Variants in AFF4 observed in about 807,000 individuals in gnomAD.
AFF4 encodes ALF transcription elongation factor 4, also known as AF4/FMR2 family member 4.
A neutral mutation model predicts 124.8 loss-of-function variants in AFF4; 13 were observed. That is an observed-to-expected ratio of 0.10 (90% CI 0.07 to 0.17). AFF4 has a LOEUF of 0.17. Ranked by LOEUF, AFF4 falls within the 10% of genes least tolerant of loss-of-function variation. AFF4 has a pLI of 1.00. For missense variants in AFF4, 1,092 were observed against 1,403.8 expected (o/e 0.78, Z 3.55); for synonymous variants, 477 against 496.1 (o/e 0.96, Z 0.51).
At chr5:132,909,929 T>C (rs1760755398) in intron 5 of AFF4, among the ~76,000 whole-genome samples, 1 of 152,194 alleles carries the variant, frequency 6.6e-6, no homozygotes, top group South Asian at 2.1e-4. Flanking sequence ...GTGAAGCACC[T>C]AGGTAAAGAG....
In AFF4 at chr5:132,877,917, C is replaced by T; in HGVS notation, c.*3142G>A. 1 of 224,854 alleles carries T rather than the reference C, an allele frequency of 4.4e-6. No individual in the cohort carries two copies. The highest frequency in any genetic ancestry group is 8.9e-6 in the Non-Finnish European group (1 of 112,542). The allele number at this position is 224,854 out of a possible 1,614,324, so 13.9% of individuals were successfully genotyped here. A position where few individuals can be genotyped will look rare whatever the true frequency, so the allele number is the denominator to read the frequency against. The stretch of plus-strand genomic sequence containing the variant: ...AAGTGCAGCCCAAGTGCCTATGAAT[C>T]CGCCACTGCCAGAGCTCCCAGAAAC... On this transcript the variant is annotated 3_prime_UTR_variant, in exon 21 of 21. Coordinates refer to ENST00000265343, the MANE Select transcript of AFF4 (RefSeq NM_014423.4).
intron 16 of AFF4, 67 bp downstream of exon 16, chr5:132,887,779 A>G (rs184047040): frequency 3.8e-6 from 6 of 1,583,632 alleles, no homozygotes; most frequent in Non-Finnish European, 5.2e-6. Flanking sequence ...ACTATATATC[A>G]GCCTCTTCCT....
At position 132,897,172 on chromosome 5, in the gene AFF4, C is replaced by T; in HGVS notation, c.1458G>A (p.Val486=). 1 of 1,614,152 alleles carries T rather than the reference C, an allele frequency of 6.2e-7. No individual in the cohort carries two copies. The highest frequency in any genetic ancestry group is 8.5e-7 in the Non-Finnish European group (1 of 1,180,032). Residue 486 remains valine (V), a synonymous_variant, in exon 11 of 21, where the codon GTG becomes GTA. Coordinates refer to ENST00000265343, the MANE Select transcript of AFF4 (RefSeq NM_014423.4). ...TACTGTCCACTGAAGAGGCGGGTGA[C>T]ACTTTATGTGGGTTCACTTTATTCA... is the stretch of plus-strand genomic sequence containing the variant. ...NWLNKVNPHK[V]SPASSVDSNI... is the part of the protein sequence containing the mutation.
At chr5:132,909,874 G>A (rs1760753907) in intron 5 of AFF4, among the ~76,000 whole-genome samples, 2 of 152,282 alleles carry the variant, frequency 1.3e-5, no homozygotes, top group South Asian at 4.2e-4. Context: ...CAGGTGGAAG[G>A]GGAAGGTAAA....
chr5:132,946,327 C>T (rs901020867), intron 1 of AFF4, among the ~76,000 whole-genome samples: 21 of 152,210 alleles, frequency 1.4e-4, no homozygotes, highest in African/African-American at 4.8e-4. Context: ...TCCAAAAGAA[C>T]CGAAAGCAGA....
chr5:132,909,300 A>G (rs1038833300), intron 5 of AFF4, among the ~76,000 whole-genome samples: 1 of 151,648 alleles, frequency 6.6e-6, no homozygotes, highest in Non-Finnish European at 1.5e-5. Context: ...GCATGCCACC[A>G]CGCCCAGCTA....
At chr5:132,887,739 C>T in intron 16 of AFF4, 107 bp downstream of exon 16, 3 of 1,507,694 alleles carry the variant, frequency 2.0e-6, no homozygotes, top group Non-Finnish European at 2.7e-6. Context: ...TATCCAAGGA[C>T]ATTAAAGGAT....
chr5:132,899,548 CTA>C (rs1760495935), intron 8 of AFF4, 37 bp downstream of exon 8: 1 of 1,519,640 alleles, frequency 6.6e-7, no homozygotes, highest in Non-Finnish European at 9.0e-7. Context: ...AATGAAAATA[CTA>C]TATGAGACTG....
chr5:132,883,664 T>G (rs1760043643), intron 19 of AFF4, 104 bp from the exon 20 acceptor site: 9 of 1,002,944 alleles, frequency 9.0e-6, no homozygotes, highest in Non-Finnish European at 1.3e-5. Context: ...ATGTAAAGAT[T>G]CTCTTAAACT....
chr5:132,932,444 A>C (rs1761322902), intron 3 of AFF4, among the ~76,000 whole-genome samples: 1 of 152,218 alleles, frequency 6.6e-6, no homozygotes. Flanking sequence ...TAGTTTTCAA[A>C]GGTTTTAAGT....
rs1259780553 is a variant in AFF4 at position 132,892,144 on chromosome 5, C to G, written c.2637+20G>C. On this transcript the variant is annotated intron_variant, in intron 13 of 20. Coordinates refer to ENST00000265343, the MANE Select transcript of AFF4 (RefSeq NM_014423.4). ...GCAAGTTGAATGATTTTCAAAAGCCCCAGGCCCCCAACACTTTACCTTAAC... is the reference window on the plus strand; with the variant it reads ...GCAAGTTGAATGATTTTCAAAAGCCGCAGGCCCCCAACACTTTACCTTAAC... 6.2e-7 allele frequency: 1 copy of G among 1,614,028 alleles called. No homozygotes were observed. The highest frequency in any genetic ancestry group is 8.5e-7 in the Non-Finnish European group (1 of 1,180,032).
chr5:132,886,688 G>A (rs747338472), intron 17 of AFF4, among the ~76,000 whole-genome samples: 15 of 152,288 alleles, frequency 9.8e-5, no homozygotes, highest in Middle Eastern at 3.4e-3. Flanking sequence ...TAAAAATTAC[G>A]AAGGGGTAGA....
intron 2 of AFF4, among the ~76,000 whole-genome samples, chr5:132,936,198 C>T (rs1429056987): frequency 2.4e-5 from 3 of 125,772 alleles, no homozygotes; most frequent in Middle Eastern, 5.4e-3. Context: ...ACCCGGGAGG[C>T]GGAGCTTGCA....
intron 19 of AFF4, 113 bp downstream of exon 19, chr5:132,884,963 G>A (rs1001039096): frequency 1.6e-6 from 1 of 635,900 alleles, no homozygotes; most frequent in East Asian, 3.1e-5. Context: ...TATTTTATCA[G>A]AGATGGTTTT....
intron 5 of AFF4, among the ~76,000 whole-genome samples, chr5:132,924,751 A>G (rs1761129578): frequency 6.6e-6 from 1 of 152,094 alleles, no homozygotes; most frequent in South Asian, 2.1e-4. Context: ...GCTACTCAAG[A>G]AGATGAGGCA....
Position 132,927,193 on chromosome 5 carries a change from T to G in AFF4, c.978A>C (p.Ser326=). ...GAATAGCCGTTAGAGGGGGAGGCCATGAATGCGTCATCTCCTGAAATGTAA... is the reference window on the plus strand; with the variant it reads ...GAATAGCCGTTAGAGGGGGAGGCCAGGAATGCGTCATCTCCTGAAATGTAA... ...VDEILKEMTH[S]WPPPLTAIHT... Residue 326 remains serine, a synonymous_variant, in exon 5 of 21, where the codon TCA becomes TCC. Transcript: ENST00000265343. The G allele has an allele frequency of 6.2e-7, 1 of 1,610,650 alleles. No homozygotes were observed. Among genetic ancestry groups the G allele is most frequent in the Non-Finnish European group, 8.5e-7 (1 of 1,178,926 alleles).
intron 5 of AFF4, among the ~76,000 whole-genome samples, chr5:132,908,639 G>C (rs1466980929): frequency 6.7e-6 from 1 of 149,514 alleles, no homozygotes; most frequent in East Asian, 1.9e-4. Context: ...GTGGTTTTTT[G>C]GTAACAAAAA....
In AFF4 at chr5:132,889,154, G is replaced by T; in HGVS notation, c.2657C>A (p.Ser886Tyr). Residue 886 changes from serine (S) to tyrosine (Y), a missense_variant, in exon 14 of 21, where the codon TCC becomes TAC. Physicochemically the swap from Ser to Tyr is moderately radical, Grantham distance 144 (BLOSUM62 -2). This residue lies in a region of AFF4 where 293 missense variants were observed against 280.2 expected (regional missense o/e 1.05). Coordinates refer to ENST00000265343, the MANE Select transcript of AFF4 (RefSeq NM_014423.4). ...KEVKEKAPSS[S>Y]SNCPPSAPTL... The stretch of plus-strand genomic sequence containing the variant: ...TGGTGCAGATGGAGGACAGTTAGAG[G>T]AGCTACTTGGAGCCTTTTCCTGACC... The T allele has an allele frequency of 6.2e-7, 1 of 1,613,684 alleles. No homozygotes were observed. Among genetic ancestry groups the T allele is most frequent in the South Asian group, 1.1e-5 (1 of 91,026 alleles).
chr5:132,898,238 A>G lies in AFF4; in HGVS notation c.1381T>C (p.Ser461Pro). 2 of 1,614,076 alleles carry G rather than the reference A, an allele frequency of 1.2e-6. No individual in the cohort carries two copies. The highest frequency in any genetic ancestry group is 1.7e-6 in the Non-Finnish European group (2 of 1,180,014). ...SEANEPSQSA[S>P]PEPEPPPTNK... The stretch of plus-strand genomic sequence containing the variant: ...CACCGCCTCTGTCTCACCTCGGGAG[A>G]TGCACTCTGGGATGGCTCATTTGCC... The change falls in exon 10 of 21, where the codon TCT (serine) becomes CCT (proline). Residue 461 changes from serine (S) to proline (P), a missense_variant. Physicochemically the swap from Ser to Pro is moderately conservative, Grantham distance 74. Around this residue, in one of 11 missense-constraint regions of AFF4, gnomAD observed 18 missense variants for 16.7 expected, o/e 1.08. Transcript: ENST00000265343.
Sources: gnomAD v4.1 joint callset for allele counts (sites outside exome capture counted in the v4.1 genomes callset) on GRCh38, gnomAD v4.1.1 for gene constraint, gnomAD v4.1.1 regional missense constraint, MANE v1.5 for transcripts, NCBI Gene and HGNC (gene_info 2026-07-23, HGNC 2026-07-21) for gene names.